DLG2: variants seen among roughly 807,000 people sequenced by gnomAD.
The protein encoded by DLG2 is disks large homolog 2.
A neutral mutation model predicts 132.5 loss-of-function variants in DLG2; 45 were observed. The ratio of observed to expected loss-of-function variants is 0.34; its 90% CI spans 0.27 to 0.44. The LOEUF (loss-of-function observed/expected upper bound fraction) is 0.44. DLG2 is among the 20% of genes least tolerant of loss of function. The pLI, the probability that DLG2 is intolerant of heterozygous loss-of-function variation, is 1.00. For missense variants in DLG2, 1,045 were observed against 1,196.9 expected, an observed-to-expected ratio of 0.87 and a Z score of 1.87; for synonymous variants, 424 against 419.6, an observed-to-expected ratio of 1.01 and a Z score of -0.13.
At chr11:85,488,170 C>G (rs1318471897) in intron 3 of DLG2, among the ~76,000 whole-genome samples, 1 of 152,166 alleles carries the variant, frequency 6.6e-6, no homozygotes, top group African/African-American at 2.4e-5. Context: ...GTGGGCGGAT[C>G]ACGAGGTCAG....
chr11:84,578,885 T>C (rs187306393), intron 6 of DLG2, among the ~76,000 whole-genome samples: 1 of 152,220 alleles, frequency 6.6e-6, no homozygotes, highest in African/African-American at 2.4e-5. Context: ...TTCCCACATG[T>C]TGTGGGAGGC....
chr11:84,052,671 G>C (rs1281410009), intron 11 of DLG2, among the ~76,000 whole-genome samples: 1 of 128,842 alleles, frequency 7.8e-6, no homozygotes, highest in Non-Finnish European at 1.6e-5. Flanking sequence ...AGCTAGAATG[G>C]CTATTATTAA....
intron 14 of DLG2, among the ~76,000 whole-genome samples, chr11:83,952,209 G>A (rs1180419704): frequency 1.3e-5 from 2 of 152,074 alleles, no homozygotes; most frequent in African/African-American, 4.8e-5. Context: ...AGCCCAGCGT[G>A]GTGGCATATG....
intron 4 of DLG2, among the ~76,000 whole-genome samples, chr11:85,283,439 G>A (rs1429960982): frequency 1.3e-5 from 2 of 149,944 alleles, no homozygotes; most frequent in Non-Finnish European, 3.0e-5. Flanking sequence ...TATTTTGAAG[G>A]TTAAAAAGTA....
chr11:84,316,829 G>C (rs1223542588), intron 7 of DLG2: 1 of 1,610,236 alleles, frequency 6.2e-7, no homozygotes, highest in Non-Finnish European at 8.5e-7. Flanking sequence ...GCTCACCTGT[G>C]CTGGGCTGAA....
intron 9 of DLG2, among the ~76,000 whole-genome samples, chr11:84,119,536 G>C (rs1441315203): frequency 1.3e-5 from 2 of 151,820 alleles, no homozygotes; most frequent in Non-Finnish European, 2.9e-5. Context: ...GACTGAACTT[G>C]TACAGTAAAT....
At chr11:85,461,253 C>T (rs1025396418) in intron 3 of DLG2, among the ~76,000 whole-genome samples, 1 of 152,170 alleles carries the variant, frequency 6.6e-6, no homozygotes, top group African/African-American at 2.4e-5. Context: ...TTTCCTTTTT[C>T]AGCCTTAAGT....
At chr11:84,263,675 A>G (rs926786054) in intron 7 of DLG2, among the ~76,000 whole-genome samples, 4 of 152,102 alleles carry the variant, frequency 2.6e-5, no homozygotes, top group African/African-American at 9.7e-5. Context: ...CTCTGCCTTC[A>G]TTTTTCCCCT....
At chr11:84,104,126 G>A (rs1053330379) in intron 9 of DLG2, among the ~76,000 whole-genome samples, 6 of 152,008 alleles carry the variant, frequency 3.9e-5, no homozygotes, top group African/African-American at 1.4e-4. Context: ...GGGATAGTTT[G>A]GAGTCATTAA....
chr11:85,603,613 T>C (rs2153234353), intron 2 of DLG2, among the ~76,000 whole-genome samples: 1 of 152,176 alleles, frequency 6.6e-6, no homozygotes, highest in South Asian at 2.1e-4. Context: ...TAGTCGTTTA[T>C]TCTTTTAAAG....
At chr11:83,878,795 C>A (rs937098838) in intron 15 of DLG2, among the ~76,000 whole-genome samples, 1 of 152,124 alleles carries the variant, frequency 6.6e-6, no homozygotes, top group Non-Finnish European at 1.5e-5. Context: ...GAGAAGAAGT[C>A]CCCTGTCGCC....
At chr11:84,860,480 T>C (rs1226925877) in intron 6 of DLG2, among the ~76,000 whole-genome samples, 1 of 152,130 alleles carries the variant, frequency 6.6e-6, no homozygotes, top group Non-Finnish European at 1.5e-5. Flanking sequence ...TTTCTATTGT[T>C]GAAAATAAAA....
At chr11:85,528,675 T>A (rs894631495) in intron 3 of DLG2, among the ~76,000 whole-genome samples, 1 of 152,172 alleles carries the variant, frequency 6.6e-6, no homozygotes, top group Non-Finnish European at 1.5e-5. Flanking sequence ...AATCCCCAAA[T>A]CAGAGTAGTT....
At chr11:84,111,544 G>A (rs756824006) in intron 9 of DLG2, among the ~76,000 whole-genome samples, 4 of 152,182 alleles carry the variant, frequency 2.6e-5, no homozygotes, top group African/African-American at 7.2e-5. Context: ...AAACTAAACT[G>A]AAGAATAATC....
chr11:84,232,672 GC>G (rs528714458), intron 8 of DLG2, among the ~76,000 whole-genome samples: 2 of 152,126 alleles, frequency 1.3e-5, no homozygotes, highest in Non-Finnish European at 2.9e-5. Context: ...ATGGTTATCT[GC>G]AAACCAGCAA....
chr11:85,566,681 C>T (rs575613801), intron 3 of DLG2, among the ~76,000 whole-genome samples: 16 of 152,226 alleles, frequency 1.1e-4, no homozygotes, highest in African/African-American at 3.9e-4. Context: ...ACAGGCCCCA[C>T]GTCCTAATAC....
intron 6 of DLG2, among the ~76,000 whole-genome samples, chr11:84,570,498 A>T (rs1264632962): frequency 6.6e-6 from 1 of 152,180 alleles, no homozygotes; most frequent in Non-Finnish European, 1.5e-5. Context: ...TGCATTCATC[A>T]GCTATTATTT....
intron 7 of DLG2, among the ~76,000 whole-genome samples, chr11:84,266,311 A>G (rs766096561): frequency 1.3e-5 from 2 of 152,196 alleles, no homozygotes; most frequent in Non-Finnish European, 2.9e-5. Context: ...TGACAATTTC[A>G]TTCCACTTTA....
chr11:84,821,627 T>TAAAAAAAAAAA (rs770947930), intron 6 of DLG2, among the ~76,000 whole-genome samples: 1 of 70,944 alleles, frequency 1.4e-5, no homozygotes, highest in Admixed American at 1.3e-4. Context: ...TCATACAATG[T>TAAAAAAAAAAA]AAAAAAAAAA....
Sources: allele counts gnomAD v4.1 joint callset (sites outside exome capture counted in the v4.1 genomes callset), GRCh38; gene constraint gnomAD v4.1.1; transcripts MANE v1.5; gene names NCBI Gene and HGNC (gene_info 2026-07-23, HGNC 2026-07-21).